DIDO1: variants seen among roughly 807,000 people sequenced by gnomAD.
The protein encoded by DIDO1 is death-inducer obliterator 1.
In DIDO1, 16 loss-of-function variants were observed where a neutral mutation model predicts 99.4. The ratio of observed to expected loss-of-function variants is 0.16; its 90% CI spans 0.11 to 0.24. The LOEUF is 0.24. DIDO1 is among the 10% of genes least tolerant of loss of function. The probability of loss-of-function intolerance (pLI) is 1.00; values close to 1 mark genes in which losing one functional copy is unlikely to be tolerated. For synonymous variants in DIDO1, 1,366 were observed against 1,239.1 expected (o/e 1.10, Z -2.15); for missense variants, 2,996 against 3,014.0 (o/e 0.99, Z 0.14).
intron 4 of DIDO1, 23 bp downstream of exon 4, chr20:62,909,676 C>G (rs2295001): frequency 0.21 from 344,485 of 1,608,262 alleles, 40,196 homozygotes; most frequent in Middle Eastern, 0.41. Flanking sequence ...GCTGAATGCT[C>G]GTCTCAGCGG....
At chr20:62,882,992 G>A (rs1020694392) in intron 15 of DIDO1, among the ~76,000 whole-genome samples, 4 of 134,902 alleles carry the variant, frequency 3.0e-5, no homozygotes, top group East Asian at 4.7e-4. Context: ...GCGCGAGCTC[G>A]GCTCACTATA....
chr20:62,899,244 C>CA (rs2064606495), intron 6 of DIDO1, among the ~76,000 whole-genome samples: 1 of 152,208 alleles, frequency 6.6e-6, no homozygotes, highest in Admixed American at 6.5e-5. Context: ...GTTTTAATAT[C>CA]ACGTTTAAAG....
At chr20:62,902,726 G>A (rs1600970774) in intron 6 of DIDO1, among the ~76,000 whole-genome samples, 1 of 152,338 alleles carries the variant, frequency 6.6e-6, no homozygotes, top group East Asian at 1.9e-4. Flanking sequence ...AAGAGGCAGT[G>A]CTTCCACCTG....
intron 2 of DIDO1, among the ~76,000 whole-genome samples, chr20:62,912,193 G>C (rs1324868522): frequency 6.6e-6 from 1 of 152,164 alleles, no homozygotes; most frequent in Non-Finnish European, 1.5e-5. Flanking sequence ...CCCCAACCAG[G>C]GGCTGGGGCC....
At chr20:62,897,194 G>GT (rs2064556198) in intron 6 of DIDO1, among the ~76,000 whole-genome samples, 198 bp from the exon 7 acceptor site, 1 of 152,310 alleles carries the variant, frequency 6.6e-6, no homozygotes, top group African/African-American at 2.4e-5. Context: ...ATTTATGACG[G>GT]TGACTACATT....
chr20:62,889,136 C>A, intron 15 of DIDO1: 1 of 985,544 alleles, frequency 1.0e-6, no homozygotes, highest in African/African-American at 1.7e-5. Context: ...GGTGCCATCG[C>A]ACTCAGCAGA....
upstream of DIDO1, chr20:62,929,168 C>G (rs2065297442): frequency 6.6e-6 from 1 of 152,264 alleles, no homozygotes; most frequent in South Asian, 2.1e-4. Context: ...ACAGTTCTCT[C>G]GGCAGAGACG....
intron 1 of DIDO1, among the ~76,000 whole-genome samples, chr20:62,922,121 CACACATATAT>C (rs1481690824): frequency 1.3e-5 from 2 of 148,430 alleles, no homozygotes; most frequent in Non-Finnish European, 3.0e-5. Context: ...CACACACACA[CACACATATAT>C]ACATATATAC....
At chr20:62,886,628 C>G (rs1265257889) in intron 15 of DIDO1, among the ~76,000 whole-genome samples, 1 of 152,088 alleles carries the variant, frequency 6.6e-6, no homozygotes, top group Non-Finnish European at 1.5e-5. Context: ...TGCAGGAAGA[C>G]GCTCCTTCTT....
At chr20:62,934,438 A>G (rs956872930) in intron 1 of DIDO1, among the ~76,000 whole-genome samples, 2 of 152,022 alleles carry the variant, frequency 1.3e-5, no homozygotes, top group African/African-American at 2.4e-5. Flanking sequence ...TCCCTACTAC[A>G]TACTTCCAGG....
At position 62,878,907 on chromosome 20, in the gene DIDO1, TGGCTCTA is replaced by T. The variant is rs911041785; in HGVS notation, c.*319_*325del. 1.0e-4 allele frequency: 22 copies of T among 213,612 alleles called. No homozygotes were observed. Among genetic ancestry groups the T allele is most frequent in the Admixed American group, 2.9e-4 (5 of 17,130 alleles). 13.2% of individuals were successfully genotyped at this position (213,612 alleles called of 1,614,324 possible). On this transcript the variant is annotated 3_prime_UTR_variant, in exon 16 of 16. Transcript: ENST00000395343. ...AACGGATGAGATGTCAGTGAAGGTA[TGGCTCTA>T]GGGTCCAACGAAACTCCCTTAAAAT...
At chr20:62,932,682 T>G (rs564212087) in intron 1 of DIDO1, among the ~76,000 whole-genome samples, 2 of 152,346 alleles carry the variant, frequency 1.3e-5, no homozygotes, top group South Asian at 4.1e-4. Flanking sequence ...ACGGTTTGTC[T>G]CAACCTCAGC....
At chr20:62,937,813 T>A in exon 1 of DIDO1, 1 of 398,178 alleles carries the variant, frequency 2.5e-6, no homozygotes. Flanking sequence ...TCCGACTCAG[T>A]GTAGACGTCG....
Position 62,901,187 on chromosome 20 carries a change from G to A in DIDO1, c.1589-4191C>T, listed in dbSNP as rs553741101. On this transcript the variant is annotated intron_variant, in intron 6 of 15. Transcript: ENST00000395343. The stretch of plus-strand genomic sequence containing the variant: ...GACTACATCGCAGACGCTCCTCAGA[G>A]GAGACCATCACTACAGCCAGGACGC... Among the ~76,000 whole-genome samples, 9 of 149,590 alleles carry A rather than the reference G, an allele frequency of 6.0e-5. No individual in the cohort carries two copies. In the South Asian group the frequency reaches 1.7e-3, roughly 28 times the overall value.
intron 1 of DIDO1, among the ~76,000 whole-genome samples, chr20:62,934,147 C>A (rs1220746725): frequency 2.0e-5 from 3 of 152,172 alleles, no homozygotes; most frequent in African/African-American, 7.2e-5. Context: ...GGCCCTGCAC[C>A]CTCTCCTGTC....
At position 62,893,557 on chromosome 20, in the gene DIDO1, G is replaced by GTA. The variant is rs113523701; in HGVS notation, c.3101+107_3101+108dup. The stretch of plus-strand genomic sequence containing the variant: ...TTTTAAAAGATGAAAGAGTGAAGCT[G>GTA]TATTTCAGGTTACATTTCCAAGTTC... On this transcript the variant is annotated intron_variant, in intron 12 of 15. Transcript: ENST00000395343. 4,818 of 1,294,546 alleles carry GTA rather than the reference G, an allele frequency of 3.7e-3. 143 individuals are homozygous for GTA. In the African/African-American group the frequency reaches 0.063, roughly 17 times the overall value. The allele number at this position is 1,294,546 out of a possible 1,614,324, so 80.2% of individuals were successfully genotyped here.
intron 1 of DIDO1, among the ~76,000 whole-genome samples, chr20:62,925,444 G>GT (rs1232410031): frequency 6.6e-6 from 1 of 152,160 alleles, no homozygotes; most frequent in Non-Finnish European, 1.5e-5. Flanking sequence ...CCGAAAAGAC[G>GT]TTCCCATCTG....
intron 1 of DIDO1, among the ~76,000 whole-genome samples, chr20:62,934,622 C>A (rs1014131841): frequency 2.3e-4 from 35 of 152,188 alleles, no homozygotes; most frequent in African/African-American, 8.2e-4. Context: ...GTGCATGGCC[C>A]TAATGGCTTC....
chr20:62,922,445 C>T (rs549503290), intron 1 of DIDO1, among the ~76,000 whole-genome samples: 2 of 152,104 alleles, frequency 1.3e-5, no homozygotes, highest in East Asian at 3.9e-4. Context: ...GGGGGGCTCA[C>T]TCAAGGGGGA....
Sources: gnomAD v4.1 joint callset for allele counts (sites outside exome capture counted in the v4.1 genomes callset) on GRCh38, gnomAD v4.1.1 for gene constraint, MANE v1.5 for transcripts, NCBI Gene and HGNC (gene_info 2026-07-23, HGNC 2026-07-21) for gene names.